The following UGT1A7 variants were observed in gnomAD, a reference collection of about 807,000 sequenced individuals.
The protein encoded by UGT1A7 is UDP glucuronosyltransferase family 1 member A7, also known as UDP-glucuronosyltransferase 1A7.
Under a neutral mutation model 45.6 loss-of-function variants are expected in UGT1A7, and 33 were observed. The observed-to-expected ratio is 0.72, with a 90% confidence interval of 0.55 to 0.97. The LOEUF is 0.97. Ranked by LOEUF, UGT1A7 falls within the 50% of genes least tolerant of loss-of-function variation. The pLI is 0.00. For missense variants in UGT1A7, 684 were observed against 666.2 expected, an observed-to-expected ratio of 1.03 and a Z score of -0.29; for synonymous variants, 274 against 250.6, an observed-to-expected ratio of 1.09 and a Z score of -0.88.
intron 1 of UGT1A7, among the ~76,000 whole-genome samples, chr2:233,694,945 T>C (rs1470769009): frequency 1.3e-5 from 2 of 152,242 alleles, no homozygotes; most frequent in Non-Finnish European, 2.9e-5. Context: ...GTAATTGAGA[T>C]ATCCATCACC....
intron 1 of UGT1A7, among the ~76,000 whole-genome samples, chr2:233,701,932 G>T (rs536238836): frequency 2.6e-5 from 4 of 151,994 alleles, no homozygotes; most frequent in African/African-American, 9.7e-5. Flanking sequence ...ACAATTAAAA[G>T]AACTAGAAAA....
chr2:233,734,943 C>G (rs2078589604), intron 1 of UGT1A7, among the ~76,000 whole-genome samples: 1 of 152,150 alleles, frequency 6.6e-6, no homozygotes, highest in Non-Finnish European at 1.5e-5. Flanking sequence ...ATCATATGGT[C>G]AGTTTTAGAA....
intron 1 of UGT1A7, among the ~76,000 whole-genome samples, chr2:233,698,359 G>A (rs17863784): frequency 0.048 from 7,312 of 152,282 alleles, 193 homozygotes; most frequent in Non-Finnish European, 0.059. Context: ...TGAATGTGCT[G>A]AATGCCATGA....
At chr2:233,724,824 G>A (rs1386605275) in intron 1 of UGT1A7, among the ~76,000 whole-genome samples, 24 of 135,740 alleles carry the variant, frequency 1.8e-4, no homozygotes, top group African/African-American at 7.1e-4. Context: ...TGCAATCTCG[G>A]CACTTTGGGA....
chr2:233,716,592 A>T (rs953588234), intron 1 of UGT1A7, among the ~76,000 whole-genome samples: 3 of 152,124 alleles, frequency 2.0e-5, no homozygotes, highest in African/African-American at 7.2e-5. Context: ...AAAGAGCAAA[A>T]ATTTTAGAAT....
At chr2:233,738,135 C>T (rs965313683) in intron 1 of UGT1A7, among the ~76,000 whole-genome samples, 2 of 152,178 alleles carry the variant, frequency 1.3e-5, no homozygotes, top group African/African-American at 4.8e-5. Context: ...GGGCCCTTAT[C>T]CCTTCACTTG....
chr2:233,707,077 C>T (rs1486929021), intron 1 of UGT1A7, among the ~76,000 whole-genome samples: 1 of 152,138 alleles, frequency 6.6e-6, no homozygotes. Context: ...TCTGCATGTG[C>T]TCCACTTTGC....
chr2:233,689,509 A>T (rs1001968532), intron 1 of UGT1A7, among the ~76,000 whole-genome samples: 2 of 152,238 alleles, frequency 1.3e-5, no homozygotes, highest in African/African-American at 4.8e-5. Flanking sequence ...CAGAGGTTAC[A>T]CATTGGTTTG....
At chr2:233,756,125 T>G (rs922243394) in intron 1 of UGT1A7, 6 of 152,194 alleles carry the variant, frequency 3.9e-5, no homozygotes, top group Non-Finnish European at 7.3e-5. Flanking sequence ...TTTGTAAAAT[T>G]CTCCTGAAAA....
At chr2:233,691,488 G>A in intron 1 of UGT1A7, 1 of 985,788 alleles carries the variant, frequency 1.0e-6, no homozygotes, top group Non-Finnish European at 1.2e-6. Context: ...ACTTGTGGGT[G>A]GGAACAGGAA....
intron 1 of UGT1A7, among the ~76,000 whole-genome samples, chr2:233,703,171 CAG>C (rs2075726050): frequency 1.3e-5 from 2 of 152,058 alleles, no homozygotes; most frequent in African/African-American, 2.4e-5. Flanking sequence ...GATTCAATTT[CAG>C]TAGTTTGTTT....
At position 233,772,328 on chromosome 2, in the gene UGT1A7, G is replaced by A. The variant is rs1288878731; in HGVS notation, c.1362G>A (p.Leu454=). 2 of 1,614,180 alleles carry A rather than the reference G, an allele frequency of 1.2e-6. No individual in the cohort carries two copies. The highest frequency in any genetic ancestry group is 1.7e-6 in the Non-Finnish European group (2 of 1,180,040). The change falls in exon 5 of 5, where the codon CTG becomes CTA. Residue 454 remains leucine (L), a synonymous_variant. Coordinates refer to ENST00000373426, the MANE Select transcript of UGT1A7 (RefSeq NM_019077.3). ...HKDRPVEPLD[L]AVFWVEFVMR... is the part of the protein sequence containing the mutation. ...ACCGCCCGGTGGAGCCGCTGGACCT[G>A]GCCGTGTTCTGGGTGGAGTTTGTGA...
chr2:233,737,151 C>G (rs2078845599), intron 1 of UGT1A7, among the ~76,000 whole-genome samples: 1 of 152,244 alleles, frequency 6.6e-6, no homozygotes, highest in African/African-American at 2.4e-5. Flanking sequence ...CAGATATGCC[C>G]TGCCCACAGA....
At position 233,772,830 on chromosome 2, in the gene UGT1A7, T is replaced by G; in HGVS notation, c.*271T>G. ...CAGAGGACGTGCAGACAGGCTGGCA[T>G]TCTAGATTACTTTTCTTACTCTGAA... On this transcript the variant is annotated 3_prime_UTR_variant, in exon 5 of 5. Transcript: ENST00000373426. 8.7e-6 allele frequency: 8 copies of G among 916,310 alleles called. No homozygotes were observed. Among genetic ancestry groups the G allele is most frequent in the Non-Finnish European group, 1.2e-5 (8 of 660,510 alleles). 56.8% of individuals were successfully genotyped at this position (916,310 alleles called of 1,614,324 possible).
chr2:233,695,519 ATTTC>A (rs1302845104), intron 1 of UGT1A7, among the ~76,000 whole-genome samples: 1 of 150,492 alleles, frequency 6.6e-6, no homozygotes, highest in East Asian at 1.9e-4. Context: ...TACAAATTTT[ATTTC>A]TTTTTTCTTT....
Position 233,682,548 on chromosome 2 carries a change from A to C in UGT1A7, c.611A>C (p.Lys204Thr). 6.2e-7 allele frequency: 1 copy of C among 1,613,924 alleles called. No homozygotes were observed. The highest frequency in any genetic ancestry group is 8.5e-7 in the Non-Finnish European group (1 of 1,179,834). The change falls in exon 1 of 5, where the codon AAG (lysine) becomes ACG (threonine). Residue 204 changes from lysine (K) to threonine (T), a missense_variant. Transcript: ENST00000373426. ...LLGFSDAMTF[K>T]ERVWNHIMHL... Reference sequence around the variant, plus strand: ...GGGTTCTCAGACGCCATGACTTTCAAGGAGAGAGTATGGAACCACATCATG... The same window carrying C: ...GGGTTCTCAGACGCCATGACTTTCACGGAGAGAGTATGGAACCACATCATG...
At chr2:233,741,288 A>G (rs1260428951) in intron 1 of UGT1A7, among the ~76,000 whole-genome samples, 2 of 151,770 alleles carry the variant, frequency 1.3e-5, no homozygotes, top group Non-Finnish European at 2.9e-5. Context: ...GGATTTATGT[A>G]CCCAATTGTG....
chr2:233,768,052 A>T, intron 3 of UGT1A7, 116 bp downstream of exon 3: 1 of 1,605,578 alleles, frequency 6.2e-7, no homozygotes, highest in South Asian at 1.1e-5. Context: ...AACATATCCT[A>T]CATTGCTTTT....
At chr2:233,760,273 A>C in intron 1 of UGT1A7, 3 of 1,612,532 alleles carry the variant, frequency 1.9e-6, no homozygotes, top group Non-Finnish European at 1.7e-6. Flanking sequence ...AACCTCTGGC[A>C]GGAGCAAAGG....
Sources: gnomAD v4.1 joint callset for allele counts (sites outside exome capture counted in the v4.1 genomes callset) on GRCh38, gnomAD v4.1.1 for gene constraint, MANE v1.5 for transcripts, NCBI Gene and HGNC (gene_info 2026-07-23, HGNC 2026-07-21) for gene names.